C22orf15: variants seen among roughly 807,000 people sequenced by gnomAD.
C22orf15 encodes the protein uncharacterized protein C22orf15.
Under a neutral mutation model 20.3 loss-of-function variants are expected in C22orf15, and 21 were observed. The observed-to-expected ratio is 1.04, with a 90% confidence interval of 0.74 to 1.49. The LOEUF (loss-of-function observed/expected upper bound fraction) is 1.49, where lower values mean the gene tolerates loss of function less well. Ranked by LOEUF, C22orf15 falls within the 40% of genes most tolerant of loss-of-function variation. The probability of loss-of-function intolerance (pLI) is 0.00; values close to 1 mark genes in which losing one functional copy is unlikely to be tolerated. For synonymous variants in C22orf15, 78 were observed against 75.4 expected (o/e 1.03, Z -0.18); for missense variants, 170 against 191.1 (o/e 0.89, Z 0.65).
rs1382190002 is a variant in C22orf15 at position 23,764,674 on chromosome 22, C to G, written c.286C>G (p.Leu96Val). 1 of 1,614,044 alleles carries G rather than the reference C, an allele frequency of 6.2e-7. No homozygotes were observed. The highest frequency in any genetic ancestry group is 8.5e-7 in the Non-Finnish European group (1 of 1,180,028). ...CATGGCCTCCACCCGCTATGAGTCC[C>G]TATTGGAGAACCTGGATGACCATTA... ...EDMASTRYES[L>V]LENLDDHYPE... Residue 96 changes from leucine to valine, a missense_variant, in exon 4 of 6, where the codon CTA becomes GTA. Transcript: ENST00000402217.
rs1003808195 is a variant in C22orf15 at position 23,764,204 on chromosome 22, G to A, written c.112+31G>A. ...GAGACAGGGAGGAGAAGGAGGGGCTGAGGGGTCCCAGGCAGGGGTGCCAGC... is the reference window on the plus strand; with the variant it reads ...GAGACAGGGAGGAGAAGGAGGGGCTAAGGGGTCCCAGGCAGGGGTGCCAGC... On this transcript the variant is annotated intron_variant, in intron 2 of 5. Transcript: ENST00000402217. 3.2e-6 allele frequency: 5 copies of A among 1,551,558 alleles called. No individual in the cohort carries two copies. In the African/African-American group the frequency reaches 6.8e-5, roughly 21 times the overall value.
intron 3 of C22orf15, 112 bp from the exon 4 acceptor site, chr22:23,764,527 C>CTA: frequency 6.4e-7 from 1 of 1,555,970 alleles, no homozygotes; most frequent in Non-Finnish European, 8.9e-7. Flanking sequence ...CAATCCATCC[C>CTA]TACCCAATGC....
At position 23,764,001 on chromosome 22, in the gene C22orf15, A is replaced by G; in HGVS notation, c.26-86A>G. Reference sequence around the variant, plus strand: ...ATAGGCCCAGTCGCAGCTCTGGGAAAGGGAGAGATGGGAGGGAGAGACAGA... The same window carrying G: ...ATAGGCCCAGTCGCAGCTCTGGGAAGGGGAGAGATGGGAGGGAGAGACAGA... On this transcript the variant is annotated intron_variant, in intron 1 of 5. Coordinates refer to ENST00000402217, the MANE Select transcript of C22orf15 (RefSeq NM_182520.3). 17 of 1,320,634 alleles carry G rather than the reference A, an allele frequency of 1.3e-5. No individual in the cohort carries two copies. In the South Asian group the frequency reaches 1.9e-4, roughly 15 times the overall value. The allele number at this position is 1,320,634 out of a possible 1,614,324, so 81.8% of individuals were successfully genotyped here.
chr22:23,764,585 G>A (rs1009156697), intron 3 of C22orf15, 54 bp from the exon 4 acceptor site: 7 of 1,593,914 alleles, frequency 4.4e-6, no homozygotes, highest in African/African-American at 1.3e-5. Flanking sequence ...GAGAGGCAGA[G>A]TAGGGACCAT....
Position 23,763,207 on chromosome 22 carries a change from C to G in C22orf15, c.-100C>G, listed in dbSNP as rs567732500. 1,273 of 1,484,980 alleles carry G rather than the reference C, an allele frequency of 8.6e-4. 3 individuals are homozygous for G. Among genetic ancestry groups the G allele is most frequent in the Non-Finnish European group, 1.1e-3 (1,216 of 1,092,136 alleles). 92.0% of individuals were successfully genotyped at this position (1,484,980 alleles called of 1,614,324 possible). On this transcript the variant is annotated 5_prime_UTR_variant, in exon 1 of 6. Transcript: ENST00000402217. ...CACACATCCACTTCTCCCTCCAGAG[C>G]CCGGCCCTGAAGCAGGTCTCTGCTC...
chr22:23,763,663 T>C (rs1926090482), intron 1 of C22orf15, among the ~76,000 whole-genome samples: 1 of 152,188 alleles, frequency 6.6e-6, no homozygotes, highest in African/African-American at 2.4e-5. Flanking sequence ...ATCAGACACC[T>C]GAAACTCTAG....
At chr22:23,765,594 A>C in intron 5 of C22orf15, 127 bp from the exon 6 acceptor site, 1 of 1,516,552 alleles carries the variant, frequency 6.6e-7, no homozygotes, top group Admixed American at 2.0e-5. Context: ...CTGGGATTCC[A>C]CCCTCAGAGT....
chr22:23,764,448 G>C (rs561470788), intron 3 of C22orf15, 51 bp downstream of exon 3: 2 of 1,606,164 alleles, frequency 1.2e-6, no homozygotes, highest in Admixed American at 1.7e-5. Flanking sequence ...AATGTAAGAG[G>C]GGGGCATAGC....
chr22:23,765,830 A>G lies in C22orf15; in HGVS notation c.*98A>G. The G allele has an allele frequency of 6.5e-7, 1 of 1,529,122 alleles. No homozygotes were observed. The highest frequency in any genetic ancestry group is 8.9e-7 in the Non-Finnish European group (1 of 1,128,132). The allele number at this position is 1,529,122 out of a possible 1,614,324, so 94.7% of individuals were successfully genotyped here. On this transcript the variant is annotated 3_prime_UTR_variant, in exon 6 of 6. Coordinates refer to ENST00000402217, the MANE Select transcript of C22orf15 (RefSeq NM_182520.3). Reference sequence around the variant, plus strand: ...CAGGCCATCGAGAGAGGCACACAACAGGCTGTGGTCTAAAATAAACTTTTA... The same window carrying G: ...CAGGCCATCGAGAGAGGCACACAACGGGCTGTGGTCTAAAATAAACTTTTA...
At chr22:23,764,770 A>T in intron 4 of C22orf15, 23 bp from the exon 5 acceptor site, 1 of 1,614,072 alleles carries the variant, frequency 6.2e-7, no homozygotes, top group Non-Finnish European at 8.5e-7. Context: ...ACCCCTACCA[A>T]CAGGACTTCC....
At chr22:23,763,614 C>G (rs975030866) in intron 1 of C22orf15, among the ~76,000 whole-genome samples, 6 of 152,274 alleles carry the variant, frequency 3.9e-5, no homozygotes, top group African/African-American at 1.4e-4. Flanking sequence ...CGCACAATCT[C>G]TTCGCCATTC....
At chr22:23,763,453 C>G (rs1410525755) in intron 1 of C22orf15, 122 bp downstream of exon 1, 35 of 802,686 alleles carry the variant, frequency 4.4e-5, no homozygotes, top group Admixed American at 7.5e-5. Context: ...GTGCACATGG[C>G]GGGGGTCGTC....
At position 23,764,305 on chromosome 22, in the gene C22orf15, AG is replaced by A; in HGVS notation, c.160del (p.Glu54ArgfsTer3). ...LAEDGNLVSL[E>X]EDLKEGASRA... ...GAGGATGGCAACCTAGTGAGCCTGG[AG>A]GAGGACCTGAAGGAAGGGGCTTCCC... On this transcript the variant is annotated frameshift_variant, in exon 3 of 6. Transcript: ENST00000402217. LOFTEE classifies it high-confidence loss of function. 6.4e-7 allele frequency: 1 copy of A among 1,551,618 alleles called. No individual in the cohort carries two copies. The highest frequency in any genetic ancestry group is 1.4e-5 in the African/African-American group (1 of 73,142).
In C22orf15 at chr22:23,764,868, G is replaced by A. The variant is rs370216786; in HGVS notation, c.401G>A (p.Arg134His). Reference sequence around the variant, plus strand: ...AAGCGTATGGGCACTCGGCGAGGCCGCCATGAGCAAAGCCCCACTTCAAGG... The same window carrying A: ...AAGCGTATGGGCACTCGGCGAGGCCACCATGAGCAAAGCCCCACTTCAAGG... ...WRKRMGTRRG[R>H]HEQSPTSRPR... Residue 134 changes from arginine to histidine, a missense_variant, in exon 5 of 6, where the codon CGC (arginine) becomes CAC (histidine). Arg to His is a conservative substitution (Grantham distance 29, BLOSUM62 0). Coordinates refer to ENST00000402217, the MANE Select transcript of C22orf15 (RefSeq NM_182520.3). The A allele has an allele frequency of 1.1e-5, 18 of 1,613,286 alleles. No homozygotes were observed. Among genetic ancestry groups the A allele is most frequent in the South Asian group, 2.2e-5 (2 of 91,078 alleles).
intron 3 of C22orf15, 80 bp downstream of exon 3, chr22:23,764,477 G>A (rs780921833): frequency 1.1e-5 from 18 of 1,596,940 alleles, no homozygotes; most frequent in African/African-American, 2.7e-5. Flanking sequence ...GACCACCCAA[G>A]GCCCTGTCCG....
At chr22:23,765,334 A>G (rs2145921669) in intron 5 of C22orf15, 1 of 1,547,648 alleles carries the variant, frequency 6.5e-7, no homozygotes, top group Admixed American at 2.0e-5. Flanking sequence ...AGTTGGACTC[A>G]GACCCAAGGG....
Position 23,764,661 on chromosome 22 carries a change from C to T in C22orf15, c.273C>T (p.Thr91=). ...RIIKGEDMAS[T]RYESLLENLD... ...CAGAGGGAGAGGACATGGCCTCCAC[C>T]CGCTATGAGTCCCTATTGGAGAACC... Residue 91 remains threonine, a synonymous_variant, in exon 4 of 6, where the codon ACC becomes ACT. Coordinates refer to ENST00000402217, the MANE Select transcript of C22orf15 (RefSeq NM_182520.3). 6.2e-7 allele frequency: 1 copy of T among 1,614,202 alleles called. No homozygotes were observed. The highest frequency in any genetic ancestry group is 8.5e-7 in the Non-Finnish European group (1 of 1,180,032).
At chr22:23,764,582 AGAGTAGG>A in intron 3 of C22orf15, 50 bp from the exon 4 acceptor site, 1 of 1,589,576 alleles carries the variant, frequency 6.3e-7, no homozygotes. Flanking sequence ...AGTGAGAGGC[AGAGTAGG>A]GACCATTAGG....
chr22:23,764,968 C>A, intron 5 of C22orf15, 66 bp downstream of exon 5: 1 of 1,546,772 alleles, frequency 6.5e-7, no homozygotes, highest in Non-Finnish European at 8.7e-7. Context: ...CAGATTTGGA[C>A]ATCCACAGAG....
Sources: gnomAD v4.1 joint callset for allele counts (sites outside exome capture counted in the v4.1 genomes callset) on GRCh38, gnomAD v4.1.1 for gene constraint, MANE v1.5 for transcripts, NCBI Gene and HGNC (gene_info 2026-07-23, HGNC 2026-07-21) for gene names.